Variants in SKIC2 observed in about 807,000 individuals in gnomAD.
SKIC2 encodes the protein superkiller complex protein 2.
chr6:31,966,664 G>A, the SKIC2 span: 2 of 1,609,886 alleles, frequency 1.2e-6, no homozygotes, highest in East Asian at 4.5e-5. The surrounding 1 kb of genome is among the most constrained non-coding windows in gnomAD (Gnocchi z 5.9). Flanking sequence ...CTGGGGTTCA[G>A]TAGGTCCCAC....
the SKIC2 span, chr6:31,962,020 T>C: frequency 8.7e-6 from 14 of 1,612,990 alleles, no homozygotes; most frequent in Non-Finnish European, 1.2e-5. This position sits in a 1 kb window ranked among gnomAD's most constrained non-coding sequence, Gnocchi z 5.0. Flanking sequence ...TGTGGCTGAA[T>C]ATGCCATTGC....
the SKIC2 span, chr6:31,961,478 T>G: frequency 6.5e-7 from 1 of 1,537,904 alleles, no homozygotes; most frequent in Non-Finnish European, 8.8e-7. Context: ...AAGGGACATC[T>G]TTTGGGAGGA....
the SKIC2 span, chr6:31,961,220 T>C: frequency 6.2e-7 from 1 of 1,614,036 alleles, no homozygotes; most frequent in Non-Finnish European, 8.5e-7. Flanking sequence ...GCTCCTGGAC[T>C]ACTAAGCCTT....
chr6:31,968,171 G>A, the SKIC2 span: 3 of 1,563,740 alleles, frequency 1.9e-6, no homozygotes, highest in Non-Finnish European at 1.8e-6. The surrounding 1 kb of genome is among the most constrained non-coding windows in gnomAD (Gnocchi z 6.1). Context: ...CCAGCCTGAG[G>A]GAGACCATGA....
the SKIC2 span, chr6:31,959,701 C>T: frequency 1.8e-6 from 1 of 551,218 alleles, no homozygotes; most frequent in Non-Finnish European, 3.2e-6. Flanking sequence ...AGGCTTTGAG[C>T]CTCCAACCTT....
At chr6:31,967,681 A>AC in the SKIC2 span, 37 of 1,608,502 alleles carry the variant, frequency 2.3e-5, no homozygotes, top group Non-Finnish European at 3.1e-5. The surrounding 1 kb of genome is among the most constrained non-coding windows in gnomAD (Gnocchi z 4.9). Flanking sequence ...TACTCATCAC[A>AC]CCCCCCTCTC....
the SKIC2 span, chr6:31,963,325 G>A: frequency 1.6e-6 from 2 of 1,278,644 alleles, no homozygotes; most frequent in Non-Finnish European, 2.1e-6. This position sits in a 1 kb window ranked among gnomAD's most constrained non-coding sequence, Gnocchi z 5.3. Flanking sequence ...AAAAGACTGG[G>A]TAAAGTTGGA....
chr6:31,968,545 C>T, the SKIC2 span: 2 of 1,606,872 alleles, frequency 1.2e-6, no homozygotes, highest in Non-Finnish European at 1.7e-6. The surrounding 1 kb of genome is among the most constrained non-coding windows in gnomAD (Gnocchi z 6.1). Flanking sequence ...CCAGGTAGGA[C>T]CCTGGGTGGT....
the SKIC2 span, chr6:31,969,059 T>TG: frequency 6.2e-7 from 1 of 1,611,810 alleles, no homozygotes; most frequent in African/African-American, 1.3e-5. The surrounding 1 kb of genome is among the most constrained non-coding windows in gnomAD (Gnocchi z 6.1). Flanking sequence ...CTGGGGACGC[T>TG]GGGGATCAGC....
At chr6:31,964,341 A>C in the SKIC2 span, 1 of 1,611,490 alleles carries the variant, frequency 6.2e-7, no homozygotes, top group Admixed American at 1.7e-5. This position sits in a 1 kb window ranked among gnomAD's most constrained non-coding sequence, Gnocchi z 5.0. Context: ...GGCCTGGTCA[A>C]GGTGCATGTG....
At chr6:31,967,832 C>G in the SKIC2 span, 3 of 1,612,830 alleles carry the variant, frequency 1.9e-6, no homozygotes, top group East Asian at 4.5e-5. This position sits in a 1 kb window ranked among gnomAD's most constrained non-coding sequence, Gnocchi z 4.9. Flanking sequence ...TCCAGATGAC[C>G]TCGTGGGATT....
chr6:31,960,071 T>C, the SKIC2 span: 1 of 1,613,124 alleles, frequency 6.2e-7, no homozygotes, highest in Non-Finnish European at 8.5e-7. Context: ...CAGTTGTTTC[T>C]GTCATCCCCA....
the SKIC2 span, chr6:31,968,416 G>A: frequency 6.2e-6 from 10 of 1,612,810 alleles, no homozygotes; most frequent in African/African-American, 5.3e-5. The surrounding 1 kb of genome is among the most constrained non-coding windows in gnomAD (Gnocchi z 6.1). Flanking sequence ...TCCCACCCTC[G>A]ACCCTGTCAA....
the SKIC2 span, chr6:31,962,410 G>A: frequency 6.2e-7 from 1 of 1,613,498 alleles, no homozygotes; most frequent in Non-Finnish European, 8.5e-7. The surrounding 1 kb of genome is among the most constrained non-coding windows in gnomAD (Gnocchi z 5.0). Flanking sequence ...TCTGCGGAGG[G>A]ACTGGCTAAC....
the SKIC2 span, chr6:31,969,309 G>A: frequency 1.2e-6 from 2 of 1,614,220 alleles, no homozygotes; most frequent in South Asian, 2.2e-5. The surrounding 1 kb of genome is among the most constrained non-coding windows in gnomAD (Gnocchi z 6.1). Context: ...CTGTGGCCAA[G>A]CGGATTGGTG....
the SKIC2 span, chr6:31,968,363 T>A: frequency 6.2e-7 from 1 of 1,613,004 alleles, no homozygotes. The surrounding 1 kb of genome is among the most constrained non-coding windows in gnomAD (Gnocchi z 6.1). Flanking sequence ...ACCACTGCTG[T>A]CCAGGAACTG....
chr6:31,959,473 C>T, the SKIC2 span: 1 of 1,030,804 alleles, frequency 9.7e-7, no homozygotes, highest in Non-Finnish European at 1.5e-6. Flanking sequence ...ACAGTAGGAT[C>T]TAGCTTAACC....
At chr6:31,967,584 T>C in the SKIC2 span, 3 of 1,031,438 alleles carry the variant, frequency 2.9e-6, no homozygotes. This position sits in a 1 kb window ranked among gnomAD's most constrained non-coding sequence, Gnocchi z 4.9. Context: ...TCGCTTGACT[T>C]GGTTGCCCCT....
At chr6:31,960,304 C>G in the SKIC2 span, 2 of 1,613,486 alleles carry the variant, frequency 1.2e-6, no homozygotes, top group East Asian at 4.5e-5. Context: ...CCCAAAGACA[C>G]CCAACCACAG....
Sources: gnomAD v4.1 joint callset for allele counts on GRCh38, gnomAD v4.1.1 for gene constraint, Gnocchi (gnomAD v3.1) non-coding constraint, MANE v1.5 for transcripts, NCBI Gene and HGNC (gene_info 2026-07-23, HGNC 2026-07-21) for gene names.